The following PRKAR1B variants were observed in gnomAD, a reference collection of about 807,000 sequenced individuals.
PRKAR1B encodes the protein protein kinase cAMP-dependent type I regulatory subunit beta, also known as cAMP-dependent protein kinase type I-beta regulatory subunit.
A neutral mutation model predicts 46.5 loss-of-function variants in PRKAR1B; 22 were observed. The observed-to-expected ratio is 0.47, with a 90% CI of 0.34 to 0.68. The LOEUF (loss-of-function observed/expected upper bound fraction) is 0.68, where lower values mean the gene tolerates loss of function less well. PRKAR1B is among the 30% of genes least tolerant of loss of function. The pLI, the probability that PRKAR1B is intolerant of heterozygous loss-of-function variation, is 0.01. For missense variants in PRKAR1B, 445 were observed against 535.6 expected (o/e 0.83, Z 1.67); for synonymous variants, 259 against 217.7 (o/e 1.19, Z -1.67).
chr7:673,841 GT>G (rs1251031430), intron 4 of PRKAR1B, among the ~76,000 whole-genome samples: 1 of 152,202 alleles, frequency 6.6e-6, no homozygotes, highest in Admixed American at 6.5e-5. Flanking sequence ...GGATCAGCAG[GT>G]GGAAATCAAG....
At position 716,038 on chromosome 7, in the gene PRKAR1B, T is replaced by A. The variant is rs1352633522; in HGVS notation, c.-22-4511A>T. On this transcript the variant is annotated intron_variant, in intron 1 of 10. Coordinates refer to ENST00000537384, the MANE Select transcript of PRKAR1B (RefSeq NM_001164760.2). ...CCTAGCCACATTCTTTATATATTTT[T>A]TTTTTTAAATCTTTTTGTTGTTGTT... Among the ~76,000 whole-genome samples, 140 of 151,280 alleles carry A rather than the reference T, an allele frequency of 9.3e-4. 1 individual carries two copies. Among genetic ancestry groups the A allele is most frequent in the Admixed American group, 4.4e-3 (66 of 15,156 alleles).
At chr7:572,105 C>T (rs1435617177) in intron 9 of PRKAR1B, among the ~76,000 whole-genome samples, 2 of 152,216 alleles carry the variant, frequency 1.3e-5, no homozygotes, top group East Asian at 1.9e-4. Context: ...CCCCTCACCC[C>T]GAGGCTGACG....
intron 2 of PRKAR1B, among the ~76,000 whole-genome samples, chr7:702,665 T>C (rs1195689095): frequency 5.9e-5 from 9 of 151,960 alleles, no homozygotes; most frequent in Admixed American, 5.9e-4. Flanking sequence ...CTACTAAAAA[T>C]ACAAAAAATT....
intron 2 of PRKAR1B, among the ~76,000 whole-genome samples, chr7:693,517 C>T (rs114580847): frequency 0.014 from 2,157 of 152,170 alleles, 33 homozygotes; most frequent in African/African-American, 0.038. Flanking sequence ...TGGCCTGTTG[C>T]GTCTGGCTCA....
chr7:590,918 C>T (rs527481924), intron 7 of PRKAR1B, among the ~76,000 whole-genome samples: 1 of 152,280 alleles, frequency 6.6e-6, no homozygotes, highest in East Asian at 1.9e-4. Context: ...TGTCTGCCCC[C>T]GAGAGCGGAG....
At chr7:727,079 C>T in intron 1 of PRKAR1B, 131 bp downstream of exon 1, 1 of 1,042,606 alleles carries the variant, frequency 9.6e-7, no homozygotes, top group Non-Finnish European at 1.1e-6. Context: ...CTGCTGCCCG[C>T]GCTCGCCGCG....
At chr7:676,377 G>A (rs914983920) in intron 4 of PRKAR1B, among the ~76,000 whole-genome samples, 1 of 152,140 alleles carries the variant, frequency 6.6e-6, no homozygotes, top group Non-Finnish European at 1.5e-5. Flanking sequence ...CCTGCCTCAG[G>A]CCTCCGAGCT....
chr7:715,917 G>C (rs532741941), intron 1 of PRKAR1B, among the ~76,000 whole-genome samples: 36 of 152,154 alleles, frequency 2.4e-4, no homozygotes, highest in Middle Eastern at 6.8e-3. Flanking sequence ...GGGTTTCACC[G>C]TGTTAGCCAG....
intron 3 of PRKAR1B, 102 bp from the exon 4 acceptor site, chr7:677,422 A>G (rs1281128105): frequency 2.1e-6 from 2 of 938,444 alleles, no homozygotes; most frequent in Non-Finnish European, 1.7e-6. Context: ...GTTATCAGGC[A>G]ATGGTACAAA....
intron 8 of PRKAR1B, among the ~76,000 whole-genome samples, chr7:583,810 A>C (rs1214551017): frequency 6.8e-6 from 1 of 146,880 alleles, no homozygotes; most frequent in African/African-American, 2.5e-5. Flanking sequence ...ATGCACACTC[A>C]TGCACACACA....
rs987496902 is a variant in PRKAR1B, at chr7:726,769, G to A, written c.-23+441C>T. 1.0e-4 allele frequency: 129 copies of A among 1,262,240 alleles called. No individual in the cohort carries two copies. Among genetic ancestry groups the A allele is most frequent in the Non-Finnish European group, 1.2e-4 (117 of 1,005,780 alleles). 78.2% of individuals were successfully genotyped at this position (1,262,240 alleles called of 1,614,324 possible). A position where few individuals can be genotyped will look rare whatever the true frequency, so the allele number is the denominator to read the frequency against. On this transcript the variant is annotated intron_variant, in intron 1 of 10. Coordinates refer to ENST00000537384, the MANE Select transcript of PRKAR1B (RefSeq NM_001164760.2). ...GGCCGTGGCGGCCCCACACCCGGCT[G>A]AGGGGGCCGAGACGGCTGAGGCGGT...
chr7:569,516 A>G (rs1779376756), intron 9 of PRKAR1B, among the ~76,000 whole-genome samples: 1 of 152,218 alleles, frequency 6.6e-6, no homozygotes, highest in African/African-American at 2.4e-5. Context: ...CGTTGTGCCC[A>G]AGGCCCTGGG....
At chr7:728,061 ACCACTGTCCT>A (rs989413566), upstream of PRKAR1B, among the ~76,000 whole-genome samples, 1 of 151,740 alleles carries the variant, frequency 6.6e-6, no homozygotes, top group African/African-American at 2.4e-5. Context: ...TCTGGCTTGG[ACCACTGTCCT>A]AAGTGGAAGG....
chr7:677,322 T>C lies in PRKAR1B; in HGVS notation c.349-2A>G, dbSNP rs1778388973. On this transcript the variant is annotated splice_acceptor_variant, in intron 3 of 10. Transcript: ENST00000537384. LOFTEE classifies it high-confidence loss of function. ...GGTTTTGTAGTCCTTGGGAATCACCTGAAGCGGAGCCAACACATCACCGTG... is the reference window on the plus strand; with the variant it reads ...GGTTTTGTAGTCCTTGGGAATCACCCGAAGCGGAGCCAACACATCACCGTG... The C allele has an allele frequency of 6.2e-7, 1 of 1,614,008 alleles. No homozygotes were observed.
chr7:555,884 G>A (rs1196452806), intron 9 of PRKAR1B, among the ~76,000 whole-genome samples: 1 of 152,150 alleles, frequency 6.6e-6, no homozygotes, highest in African/African-American at 2.4e-5. Context: ...ACGGGAGCCC[G>A]GGAGGCAGAC....
chr7:711,854 C>A (rs1780652523), intron 1 of PRKAR1B, among the ~76,000 whole-genome samples: 1 of 152,022 alleles, frequency 6.6e-6, no homozygotes, highest in African/African-American at 2.4e-5. Flanking sequence ...GGGGGCCCGG[C>A]GCCCTGAGGG....
chr7:699,982 G>A (rs190043311), intron 2 of PRKAR1B, among the ~76,000 whole-genome samples: 28 of 152,176 alleles, frequency 1.8e-4, no homozygotes, highest in African/African-American at 3.9e-4. Context: ...CGGCGTGGGC[G>A]GGGGAAGGGG....
intron 4 of PRKAR1B, among the ~76,000 whole-genome samples, chr7:648,965 G>A (rs1049156346): frequency 1.3e-4 from 19 of 151,966 alleles, no homozygotes; most frequent in African/African-American, 4.6e-4. Flanking sequence ...GGGGTTCAAG[G>A]CCAGCCTAGC....
intron 2 of PRKAR1B, among the ~76,000 whole-genome samples, chr7:705,585 A>G (rs1000708807): frequency 2.6e-5 from 4 of 152,222 alleles, no homozygotes; most frequent in Non-Finnish European, 4.4e-5. Context: ...AACCTGTAAG[A>G]CGAATATTTA....
Sources: gnomAD v4.1 joint callset for allele counts (sites outside exome capture counted in the v4.1 genomes callset) on GRCh38, gnomAD v4.1.1 for gene constraint, MANE v1.5 for transcripts, NCBI Gene and HGNC (gene_info 2026-07-23, HGNC 2026-07-21) for gene names.